The following CEACAM18 variants were observed in gnomAD, a reference collection of about 807,000 sequenced individuals.
CEACAM18 encodes the protein cell adhesion molecule CEACAM18.
Under a neutral mutation model 34.3 loss-of-function variants are expected in CEACAM18, and 33 were observed. The ratio of observed to expected loss-of-function variants is 0.96; its 90% CI spans 0.73 to 1.29. The LOEUF (loss-of-function observed/expected upper bound fraction) is 1.29. CEACAM18 is among the 50% of genes most tolerant of loss of function. The probability of loss-of-function intolerance (pLI) is 0.00; values close to 1 mark genes in which losing one functional copy is unlikely to be tolerated. For missense variants in CEACAM18, 474 were observed against 485.0 expected, an observed-to-expected ratio of 0.98 and a Z score of 0.21; for synonymous variants, 169 against 180.9, an observed-to-expected ratio of 0.93 and a Z score of 0.53.
exon 6 of CEACAM18, chr19:51,490,759 C>T: frequency 1.8e-6 from 1 of 545,376 alleles, no homozygotes; most frequent in Non-Finnish European, 2.8e-6. Flanking sequence ...CCAGCCCAGT[C>T]ACACGGAAGC....
intron 4 of CEACAM18, 74 bp from the exon 5 acceptor site, chr19:51,484,913 G>A (rs1413082366): frequency 1.3e-6 from 2 of 1,493,490 alleles, no homozygotes; most frequent in African/African-American, 1.4e-5. Flanking sequence ...TGGATATGTG[G>A]GTGGGTGAAG....
chr19:51,482,935 C>T (rs762884623), intron 3 of CEACAM18, 82 bp from the exon 4 acceptor site: 13 of 1,547,956 alleles, frequency 8.4e-6, no homozygotes, highest in Non-Finnish European at 1.1e-5. Context: ...AATGGGGAAC[C>T]TCCTGGCTGG....
exon 4 of CEACAM18, chr19:51,483,027 C>G (rs762479872): frequency 1.2e-6 from 2 of 1,613,940 alleles, no homozygotes; most frequent in Non-Finnish European, 1.7e-6. Context: ...ATGGGCCCGA[C>G]TATGTGCTGC....
intron 4 of CEACAM18, among the ~76,000 whole-genome samples, chr19:51,483,592 C>CCA (rs113176900): frequency 0.032 from 4,937 of 152,042 alleles, 157 homozygotes; most frequent in African/African-American, 0.08. Context: ...CACCATTTCT[C>CCA]TGGAGTAAGT....
Position 51,490,293 on chromosome 19 carries a change from C to T in CEACAM18, c.1090-294C>T, listed in dbSNP as rs947699345. The stretch of plus-strand genomic sequence containing the variant: ...ATTACCTCCATCATTGTTGTGATCC[C>T]TCATAATTAGGCCAACAGTGCCCAC... On this transcript the variant is annotated intron_variant, in intron 5 of 5. Coordinates refer to ENST00000396477, the Ensembl canonical transcript of CEACAM18. Among the ~76,000 whole-genome samples, 4 of 152,248 alleles carry T rather than the reference C, an allele frequency of 2.6e-5. No homozygotes were observed. The South Asian group carries it at 6.2e-4, about 24-fold the overall frequency.
rs8100294 is a variant in CEACAM18, at chr19:51,483,335, T to C, written c.953+39T>C. ...CCTCCAGGCTCATGCTTTGCACATCTCCCTGCCTCCATGCCCTGCTAGGCA... is the reference window on the plus strand; with the variant it reads ...CCTCCAGGCTCATGCTTTGCACATCCCCCTGCCTCCATGCCCTGCTAGGCA... On this transcript the variant is annotated intron_variant, in intron 4 of 5. Transcript: ENST00000396477. The C allele has an allele frequency of 1.3e-3, 2,136 of 1,611,930 alleles. 25 individuals carry two copies. In the African/African-American group the frequency reaches 0.024, roughly 18 times the overall value.
exon 3 of CEACAM18, chr19:51,481,445 C>T (rs1475940216): frequency 2.5e-6 from 4 of 1,614,002 alleles, no homozygotes; most frequent in Middle Eastern, 1.6e-4. Context: ...TGGTGGAGAA[C>T]ATGGATTCTG....
At chr19:51,483,074 C>T (rs1989943998) in exon 4 of CEACAM18, 1 of 1,614,030 alleles carries the variant, frequency 6.2e-7, no homozygotes, top group Non-Finnish European at 8.5e-7. Context: ...GGCATTGTGA[C>T]AGCTGAGATC....
chr19:51,480,049 G>A (rs561303872), intron 1 of CEACAM18, among the ~76,000 whole-genome samples: 1 of 152,222 alleles, frequency 6.6e-6, no homozygotes, highest in Admixed American at 6.5e-5. Flanking sequence ...GTCGCAACTT[G>A]GGCTTATTAA....
upstream of CEACAM18, chr19:51,478,567 A>G: frequency 7.5e-7 from 1 of 1,334,176 alleles, no homozygotes; most frequent in South Asian, 1.3e-5. Flanking sequence ...GCCAGGAGAC[A>G]CAGGTCTTGG....
intron 5 of CEACAM18, among the ~76,000 whole-genome samples, 183 bp downstream of exon 5, chr19:51,485,305 A>G (rs1989980655): frequency 6.6e-6 from 1 of 152,102 alleles, no homozygotes; most frequent in Non-Finnish European, 1.5e-5. Flanking sequence ...GGAGCAAGAG[A>G]GGGTTTAGAG....
At chr19:51,480,796 G>A (rs566562706) in intron 2 of CEACAM18, 116 bp downstream of exon 2, 7 of 950,048 alleles carry the variant, frequency 7.4e-6, no homozygotes, top group South Asian at 1.7e-5. Context: ...GAGCCGCCCT[G>A]GAATCTTGTG....
At chr19:51,479,984 T>G (rs1989881334) in intron 1 of CEACAM18, among the ~76,000 whole-genome samples, 1 of 152,182 alleles carries the variant, frequency 6.6e-6, no homozygotes, top group Non-Finnish European at 1.5e-5. Context: ...GAGTTTGGAC[T>G]GTATCCTAAG....
intron 5 of CEACAM18, among the ~76,000 whole-genome samples, chr19:51,487,642 T>C (rs191179633): frequency 6.6e-6 from 1 of 152,122 alleles, no homozygotes; most frequent in South Asian, 2.1e-4. Context: ...GGCAGTCACC[T>C]GTAATCCCAG....
At chr19:51,480,201 G>A (rs1224204719) in intron 1 of CEACAM18, 132 bp from the exon 2 acceptor site, 7 of 731,916 alleles carry the variant, frequency 9.6e-6, no homozygotes, top group Non-Finnish European at 1.5e-5. Flanking sequence ...TCTACCAGGA[G>A]CCAGAAACTC....
At chr19:51,481,765 TCCTGGGCCAGC>T in intron 3 of CEACAM18, 100 bp downstream of exon 3, 54 of 1,274,750 alleles carry the variant, frequency 4.2e-5, no homozygotes, top group South Asian at 2.2e-4. Context: ...AGAGGGGGCA[TCCTGGGCCAGC>T]CTGCAGCCAG....
intron 4 of CEACAM18, 69 bp from the exon 5 acceptor site, chr19:51,484,918 G>C: frequency 1.3e-6 from 2 of 1,513,850 alleles, no homozygotes; most frequent in East Asian, 2.5e-5. Context: ...ATGTGGGTGG[G>C]TGAAGAGATG....
intron 5 of CEACAM18, among the ~76,000 whole-genome samples, chr19:51,488,721 C>T (rs1055172453): frequency 1.3e-5 from 2 of 152,148 alleles, no homozygotes; most frequent in South Asian, 4.1e-4. Flanking sequence ...ACAAGGGCTG[C>T]AGAAGGTGCC....
At chr19:51,482,646 A>G (rs1002484456) in intron 3 of CEACAM18, among the ~76,000 whole-genome samples, 12 of 152,188 alleles carry the variant, frequency 7.9e-5, no homozygotes, top group Non-Finnish European at 1.5e-4. Context: ...TCCGAGCCTC[A>G]TTGTTTTCCA....
Sources: allele counts gnomAD v4.1 joint callset (sites outside exome capture counted in the v4.1 genomes callset), GRCh38; gene constraint gnomAD v4.1.1; transcripts MANE v1.5; gene names NCBI Gene and HGNC (gene_info 2026-07-23, HGNC 2026-07-21).